The following CACNA1C variants were observed in gnomAD, a reference collection of about 807,000 sequenced individuals.
CACNA1C encodes voltage-dependent L-type calcium channel subunit alpha-1C.
A neutral mutation model predicts 229.0 loss-of-function variants in CACNA1C; 30 were observed. The observed-to-expected ratio is 0.13, with a 90% CI of 0.10 to 0.18. The LOEUF is 0.18. Among genes scored for constraint, CACNA1C ranks in the 10% least tolerant of loss-of-function variants. The probability of loss-of-function intolerance (pLI) is 1.00; values close to 1 mark genes in which losing one functional copy is unlikely to be tolerated. For missense variants in CACNA1C, 1,658 were observed against 2,845.0 expected, an observed-to-expected ratio of 0.58 and a Z score of 9.49; for synonymous variants, 1,114 against 1,132.5, an observed-to-expected ratio of 0.98 and a Z score of 0.33.
chr12:2,071,172 CCCTG>C (rs767264073), intron 1 of CACNA1C, among the ~76,000 whole-genome samples: 21 of 16,022 alleles, frequency 1.3e-3, no homozygotes, highest in Admixed American at 2.5e-3. Context: ...CTCCCTCCCT[CCCTG>C]CCTGCCTGCC....
intron 1 of CACNA1C, among the ~76,000 whole-genome samples, chr12:2,037,430 G>A (rs73044427): frequency 0.051 from 7,710 of 152,324 alleles, 270 homozygotes; most frequent in Middle Eastern, 0.078. Context: ...TTATTTCAGA[G>A]TTAGCTGTGA....
chr12:2,266,457 C>G (rs1303640785), intron 3 of CACNA1C, among the ~76,000 whole-genome samples: 2 of 152,224 alleles, frequency 1.3e-5, no homozygotes, highest in East Asian at 3.8e-4. Flanking sequence ...CTAGGCACAC[C>G]TGTTAGATGG....
chr12:2,574,684 A>G (rs756182748), intron 13 of CACNA1C, among the ~76,000 whole-genome samples: 1 of 152,210 alleles, frequency 6.6e-6, no homozygotes, highest in Non-Finnish European at 1.5e-5. Context: ...TCTGGCCTTG[A>G]GCAGCAGATC....
chr12:2,474,154 A>G (rs558760904), intron 5 of CACNA1C, among the ~76,000 whole-genome samples: 2 of 152,214 alleles, frequency 1.3e-5, no homozygotes, highest in Non-Finnish European at 2.9e-5. Context: ...GATATTTTGA[A>G]GTTTTCCCCA....
intron 21 of CACNA1C, among the ~76,000 whole-genome samples, chr12:2,598,847 C>G (rs1456204012): frequency 6.6e-6 from 1 of 152,232 alleles, no homozygotes; most frequent in Non-Finnish European, 1.5e-5. Flanking sequence ...TTCCTGCTAA[C>G]CAAGTATGTG....
At chr12:2,468,099 C>A (rs890231700) in intron 5 of CACNA1C, among the ~76,000 whole-genome samples, 1 of 152,212 alleles carries the variant, frequency 6.6e-6, no homozygotes, top group Admixed American at 6.5e-5. Context: ...TAAGCACACT[C>A]ACAGGTTCCC....
At chr12:2,552,098 T>C (rs375351045) in intron 10 of CACNA1C, among the ~76,000 whole-genome samples, 20 of 152,092 alleles carry the variant, frequency 1.3e-4, no homozygotes, top group South Asian at 6.3e-4. Context: ...GCAAGCAAAA[T>C]AGACAAAGGA....
At chr12:2,509,450 A>G (rs1328990286) in intron 8 of CACNA1C, among the ~76,000 whole-genome samples, 1 of 152,180 alleles carries the variant, frequency 6.6e-6, no homozygotes. Flanking sequence ...GTTTCCTGTG[A>G]GCCTCTGCCC....
At position 2,527,546 on chromosome 12, in the gene CACNA1C, A is replaced by G. The variant is rs1283551785; in HGVS notation, c.1390+14562A>G. On this transcript the variant is annotated intron_variant, in intron 9 of 46. Coordinates refer to ENST00000399655, the MANE Select transcript of CACNA1C (RefSeq NM_000719.7). ...TCCACTGTCAGTTATTATGTTAACAAAATTATCTGAAAATAACCAAATGCA... is the reference window on the plus strand; with the variant it reads ...TCCACTGTCAGTTATTATGTTAACAGAATTATCTGAAAATAACCAAATGCA... Among the ~76,000 whole-genome samples the G allele has an allele frequency of 5.3e-5, 8 of 152,330 alleles. No homozygotes were observed. In the East Asian group the frequency reaches 1.3e-3, roughly 26 times the overall value.
intron 19 of CACNA1C, among the ~76,000 whole-genome samples, chr12:2,593,589 T>A (rs2066540025): frequency 6.6e-6 from 1 of 152,266 alleles, no homozygotes; most frequent in South Asian, 2.1e-4. Context: ...TTACCCTTGA[T>A]AATTTACTAA....
chr12:2,639,459 C>T lies in CACNA1C; in HGVS notation c.3912+5079C>T, dbSNP rs2093376622. Reference sequence around the variant, plus strand: ...TGAACAATAGAAAGTGCTGGGCAGCCTGAATTCCTGCATTATGGACATAGA... The same window carrying T: ...TGAACAATAGAAAGTGCTGGGCAGCTTGAATTCCTGCATTATGGACATAGA... On this transcript the variant is annotated intron_variant, in intron 30 of 46. Coordinates refer to ENST00000399655, the MANE Select transcript of CACNA1C (RefSeq NM_000719.7). The surrounding 1 kb of genome is among the most constrained non-coding windows in gnomAD (Gnocchi z 4.2). 6.6e-6 allele frequency among the ~76,000 whole-genome samples: 1 copy of T among 152,170 alleles called. No individual in the cohort carries two copies. Among genetic ancestry groups the T allele is most frequent in the Non-Finnish European group, 1.5e-5 (1 of 68,034 alleles).
At chr12:2,182,674 G>A (rs1223181566) in intron 3 of CACNA1C, among the ~76,000 whole-genome samples, 2 of 152,154 alleles carry the variant, frequency 1.3e-5, no homozygotes, top group Non-Finnish European at 2.9e-5. Context: ...ACTGTGGACT[G>A]GAAGTGTGCT....
chr12:2,419,608 C>G (rs2098953495), intron 3 of CACNA1C, among the ~76,000 whole-genome samples: 1 of 152,146 alleles, frequency 6.6e-6, no homozygotes, highest in Non-Finnish European at 1.5e-5. Flanking sequence ...AAGCAGGGGC[C>G]CCGCAGTCCA....
chr12:2,264,962 C>T (rs2081783732), intron 3 of CACNA1C, among the ~76,000 whole-genome samples: 2 of 152,158 alleles, frequency 1.3e-5, no homozygotes, highest in South Asian at 2.1e-4. Flanking sequence ...TCTGTCCTTC[C>T]CGTTGTCTGA....
At chr12:2,273,328 T>G (rs1045367712) in intron 3 of CACNA1C, among the ~76,000 whole-genome samples, 1 of 152,016 alleles carries the variant, frequency 6.6e-6, no homozygotes, top group South Asian at 2.1e-4. Context: ...TTAAAAATTT[T>G]CTTTTCAAAT....
chr12:2,377,209 TG>T (rs1331506116), intron 3 of CACNA1C, among the ~76,000 whole-genome samples: 1 of 152,182 alleles, frequency 6.6e-6, no homozygotes, highest in East Asian at 1.9e-4. Flanking sequence ...GCATGAGCTG[TG>T]GGTTTCACTG....
chr12:2,536,201 G>T (rs149455733), intron 9 of CACNA1C, among the ~76,000 whole-genome samples: 60 of 152,390 alleles, frequency 3.9e-4, no homozygotes, highest in African/African-American at 1.4e-3. Flanking sequence ...AGTGAAGCAG[G>T]AAAGACGGGG....
At chr12:2,448,873 G>C in intron 3 of CACNA1C, 103 bp from the exon 4 acceptor site, 1 of 944,320 alleles carries the variant, frequency 1.1e-6, no homozygotes, top group South Asian at 1.8e-5. Flanking sequence ...CACAGAGGGG[G>C]CAGCATTATC....
chr12:2,521,254 A>G (rs1271801714), intron 9 of CACNA1C, among the ~76,000 whole-genome samples: 2 of 152,200 alleles, frequency 1.3e-5, no homozygotes, highest in Non-Finnish European at 2.9e-5. Context: ...GGGGCCTATG[A>G]GCAGCAGGGG....
Sources: allele counts gnomAD v4.1 joint callset (sites outside exome capture counted in the v4.1 genomes callset), GRCh38; gene constraint gnomAD v4.1.1; non-coding constraint Gnocchi (gnomAD v3.1); transcripts MANE v1.5; gene names NCBI Gene and HGNC (gene_info 2026-07-23, HGNC 2026-07-21).